The following WWP2 variants were observed in gnomAD, a reference collection of about 807,000 sequenced individuals.
The protein encoded by WWP2 is WW domain containing E3 ubiquitin protein ligase 2.
A neutral mutation model predicts 121.0 loss-of-function variants in WWP2; 57 were observed. The observed-to-expected ratio is 0.47, with a 90% CI of 0.38 to 0.59. The LOEUF (loss-of-function observed/expected upper bound fraction) is 0.59. WWP2 is among the 20% of genes least tolerant of loss of function. The pLI, the probability that WWP2 is intolerant of heterozygous loss-of-function variation, is 0.00. For missense variants in WWP2, 962 were observed against 1,158.9 expected (o/e 0.83, Z 2.47); for synonymous variants, 449 against 441.3 (o/e 1.02, Z -0.22).
intron 1 of WWP2, among the ~76,000 whole-genome samples, chr16:69,784,136 A>G (rs1042299168): frequency 3.2e-4 from 37 of 114,790 alleles, no homozygotes; most frequent in African/African-American, 4.6e-4. Flanking sequence ...TCTTGCTGTC[A>G]TCGCCCGGGC....
At chr16:69,850,161 C>T (rs1171948059) in intron 6 of WWP2, among the ~76,000 whole-genome samples, 4 of 152,030 alleles carry the variant, frequency 2.6e-5, no homozygotes, top group Non-Finnish European at 5.9e-5. Context: ...CCAAGGTGGG[C>T]AGATCATGAG....
At chr16:69,920,983 T>C (rs1387454764) in intron 10 of WWP2, among the ~76,000 whole-genome samples, 5 of 152,194 alleles carry the variant, frequency 3.3e-5, no homozygotes, top group African/African-American at 1.2e-4. Flanking sequence ...TCTGGGTTTA[T>C]AGAGGTAGAA....
intron 16 of WWP2, 121 bp from the exon 17 acceptor site, chr16:69,933,849 G>A (rs532272068): frequency 5.9e-6 from 7 of 1,188,176 alleles, no homozygotes; most frequent in Middle Eastern, 2.3e-4. Flanking sequence ...CACAGGGCTC[G>A]ACTCCCTGGG....
At position 69,776,537 on chromosome 16, in the gene WWP2, T is replaced by A. The variant is rs540819712; in HGVS notation, c.-15-10459T>A. The stretch of plus-strand genomic sequence containing the variant: ...TAGATGTGGGAAGTTTCTTAACTTA[T>A]AATGATAATAGGCCGGGCGCAGTGG... On this transcript the variant is annotated intron_variant, in intron 1 of 23. Transcript: ENST00000359154. Among the ~76,000 whole-genome samples, 27 of 152,298 alleles carry A rather than the reference T, an allele frequency of 1.8e-4. No homozygotes were observed. In the South Asian group the frequency reaches 5.4e-3, roughly 30 times the overall value.
At chr16:69,831,209 A>G (rs942563602) in intron 4 of WWP2, among the ~76,000 whole-genome samples, 1 of 152,148 alleles carries the variant, frequency 6.6e-6, no homozygotes, top group African/African-American at 2.4e-5. Flanking sequence ...ATGTTTCTCA[A>G]ATTTCCAGGT....
chr16:69,776,100 A>G (rs940732764), intron 1 of WWP2: 2 of 152,262 alleles, frequency 1.3e-5, no homozygotes, highest in Non-Finnish European at 1.5e-5. Context: ...GAAGCATTCT[A>G]TAGCCTCATG....
At chr16:69,862,120 C>T (rs983864963) in intron 6 of WWP2, among the ~76,000 whole-genome samples, 1 of 152,158 alleles carries the variant, frequency 6.6e-6, no homozygotes, top group African/African-American at 2.4e-5. Flanking sequence ...GGCTGGAGTG[C>T]AATGGTGTGA....
intron 9 of WWP2, among the ~76,000 whole-genome samples, chr16:69,912,955 A>ATATATATATATAT (rs2058410528): frequency 1.2e-4 from 1 of 8,360 alleles, no homozygotes; most frequent in Non-Finnish European, 2.1e-4. Context: ...AAAAAAAAAA[A>ATATATATATATAT]ATATATATAT....
At chr16:69,773,095 C>T (rs113235193) in intron 1 of WWP2, among the ~76,000 whole-genome samples, 2 of 152,064 alleles carry the variant, frequency 1.3e-5, no homozygotes, top group African/African-American at 4.8e-5. Context: ...TCTGGGAAGA[C>T]GCTAGTGTCG....
intron 4 of WWP2, among the ~76,000 whole-genome samples, chr16:69,837,725 G>A (rs183039171): frequency 1.2e-4 from 19 of 152,304 alleles, no homozygotes; most frequent in Admixed American, 6.5e-4. Context: ...GGAGCCTTCC[G>A]GAATGCTCAT....
intron 1 of WWP2, among the ~76,000 whole-genome samples, chr16:69,783,599 G>A (rs2055712035): frequency 6.6e-6 from 1 of 151,974 alleles, no homozygotes; most frequent in African/African-American, 2.4e-5. Context: ...GGAAGGCAGG[G>A]AGAGAGGTCA....
At chr16:69,838,691 C>T in intron 4 of WWP2, 1 of 983,334 alleles carries the variant, frequency 1.0e-6, no homozygotes. Context: ...TTCCCATACT[C>T]CTTGGCTTTT....
chr16:69,804,772 A>G (rs1045794677), intron 4 of WWP2, among the ~76,000 whole-genome samples: 1 of 152,268 alleles, frequency 6.6e-6, no homozygotes, highest in Middle Eastern at 3.4e-3. Context: ...TGTAAAGTTA[A>G]CGTAATGGGG....
intron 1 of WWP2, among the ~76,000 whole-genome samples, chr16:69,777,167 T>C (rs906725238): frequency 6.6e-6 from 1 of 151,806 alleles, no homozygotes; most frequent in Non-Finnish European, 1.5e-5. Flanking sequence ...AATACACATA[T>C]GGATATACAC....
At chr16:69,768,095 C>T (rs1217043950) in intron 1 of WWP2, among the ~76,000 whole-genome samples, 3 of 152,098 alleles carry the variant, frequency 2.0e-5, no homozygotes, top group African/African-American at 4.8e-5. Flanking sequence ...CCTCAGCCTC[C>T]CAAAGTGTTT....
chr16:69,880,021 T>A (rs58722949), intron 7 of WWP2, among the ~76,000 whole-genome samples: 10,798 of 151,680 alleles, frequency 0.071, 427 homozygotes, highest in Middle Eastern at 0.12. Flanking sequence ...GCCACATTGG[T>A]TCTGCAGAGA....
In WWP2 at chr16:69,935,767, CAG is replaced by C; in HGVS notation, c.1843-83_1843-82del. 1 of 1,525,050 alleles carries C rather than the reference CAG, an allele frequency of 6.6e-7. No individual in the cohort carries two copies. The highest frequency in any genetic ancestry group is 8.8e-7 in the Non-Finnish European group (1 of 1,137,480). 94.5% of individuals were successfully genotyped at this position (1,525,050 alleles called of 1,614,324 possible). ...AGGGAAGGAAGGCGGGTAGCGGTAG[CAG>C]AGTTTGATACCGAGCATCTGAGAGC... On this transcript the variant is annotated intron_variant, in intron 17 of 23. Coordinates refer to ENST00000359154, the MANE Select transcript of WWP2 (RefSeq NM_001270454.2). The surrounding 1 kb of genome is among the most constrained non-coding windows in gnomAD (Gnocchi z 5.2).
chr16:69,931,710 T>C (rs986912634), intron 15 of WWP2, 92 bp from the exon 16 acceptor site: 9 of 1,572,486 alleles, frequency 5.7e-6, no homozygotes, highest in Non-Finnish European at 7.9e-6. Flanking sequence ...CTGTGTCTGC[T>C]GGATATTGGG....
chr16:69,787,262 G>A (rs1480849977), intron 2 of WWP2, among the ~76,000 whole-genome samples, 182 bp downstream of exon 2: 2 of 152,186 alleles, frequency 1.3e-5, no homozygotes, highest in Admixed American at 6.5e-5. Flanking sequence ...AAAGGAGCAG[G>A]AAAATAGGGA....
Sources: allele counts gnomAD v4.1 joint callset (sites outside exome capture counted in the v4.1 genomes callset), GRCh38; gene constraint gnomAD v4.1.1; non-coding constraint Gnocchi (gnomAD v3.1); transcripts MANE v1.5; gene names NCBI Gene and HGNC (gene_info 2026-07-23, HGNC 2026-07-21).